PXN: variants seen among roughly 807,000 people sequenced by gnomAD.
The protein encoded by PXN is testicular tissue protein Li 134.
Under a neutral mutation model 103.6 loss-of-function variants are expected in PXN, and 61 were observed. That is an observed-to-expected ratio of 0.59 (90% CI 0.48 to 0.73). The LOEUF (loss-of-function observed/expected upper bound fraction) is 0.73, where lower values mean the gene tolerates loss of function less well. Ranked by LOEUF, PXN falls within the 30% of genes least tolerant of loss-of-function variation. PXN has a pLI of 0.00. For synonymous variants in PXN, 562 were observed against 607.8 expected (o/e 0.92, Z 1.11); for missense variants, 1,274 against 1,460.3 (o/e 0.87, Z 2.08).
chr12:120,212,137 AG>A lies in PXN; in HGVS notation c.*176del. 1 of 939,640 alleles carries A rather than the reference AG, an allele frequency of 1.1e-6. No individual in the cohort carries two copies. Among genetic ancestry groups the A allele is most frequent in the Non-Finnish European group, 1.7e-6 (1 of 598,858 alleles). The allele number at this position is 939,640 out of a possible 1,614,324, so 58.2% of individuals were successfully genotyped here. A position where few individuals can be genotyped will look rare whatever the true frequency, so the allele number is the denominator to read the frequency against. On this transcript the variant is annotated 3_prime_UTR_variant, in exon 15 of 15. Transcript: ENST00000637617. The surrounding 1 kb of genome is among the most constrained non-coding windows in gnomAD (Gnocchi z 7.2). Reference sequence around the variant, plus strand: ...GAGGAGGGGGCCCAGAGGCTCTGGCAGGGGTGAAGACAAGCAGGGGGACCCC... The same window carrying A: ...GAGGAGGGGGCCCAGAGGCTCTGGCAGGGTGAAGACAAGCAGGGGGACCCC...
intron 1 of PXN, among the ~76,000 whole-genome samples, chr12:120,241,398 A>G (rs930567926): frequency 2.4e-4 from 36 of 152,306 alleles, no homozygotes; most frequent in Non-Finnish European, 1.6e-4. Flanking sequence ...TCGCTTGGGT[A>G]TCCAAGGCAG....
At position 120,210,943 on chromosome 12, in the gene PXN, C is replaced by A. The variant is rs781602972; in HGVS notation, c.*1371G>T. On this transcript the variant is annotated 3_prime_UTR_variant, in exon 15 of 15. Coordinates refer to ENST00000637617, the MANE Select transcript of PXN (RefSeq NM_001385981.1). ...CCTTCTTTCCAGACCCCCTGAGTGC[C>A]GATCCCACCTGTGAAAGGGGAGGAG... 6.5e-6 allele frequency: 1 copy of A among 152,680 alleles called. No homozygotes were observed. The highest frequency in any genetic ancestry group is 1.5e-5 in the Non-Finnish European group (1 of 68,170). The allele number at this position is 152,680 out of a possible 1,614,324, so 9.5% of individuals were successfully genotyped here.
At chr12:120,233,000 T>G (rs1396013296) in intron 1 of PXN, among the ~76,000 whole-genome samples, 1 of 152,176 alleles carries the variant, frequency 6.6e-6, no homozygotes, top group Non-Finnish European at 1.5e-5. Context: ...CTAAGTCACA[T>G]CAATTCTTCC....
At chr12:120,223,520 C>T (rs2136316206) in intron 3 of PXN, among the ~76,000 whole-genome samples, 198 bp downstream of exon 3, 1 of 152,224 alleles carries the variant, frequency 6.6e-6, no homozygotes, top group Middle Eastern at 3.4e-3. Context: ...CTGTGATAGC[C>T]CAGAATGTCC....
intron 1 of PXN, among the ~76,000 whole-genome samples, chr12:120,237,687 A>C (rs930230704): frequency 1.3e-5 from 2 of 152,108 alleles, no homozygotes; most frequent in East Asian, 1.9e-4. Flanking sequence ...TTGCCTCCCT[A>C]GAAGTGTCTA....
In PXN at chr12:120,217,592, TG is replaced by T. The variant is rs144774631; in HGVS notation, c.1717-477del. 0.02 allele frequency among the ~76,000 whole-genome samples: 3,061 copies of T among 151,478 alleles called. 110 individuals carry two copies. Among genetic ancestry groups the T allele is most frequent in the African/African-American group, 0.07 (2,905 of 41,266 alleles). On this transcript the variant is annotated intron_variant, in intron 7 of 14. Transcript: ENST00000637617. This position sits in a 1 kb window ranked among gnomAD's most constrained non-coding sequence, Gnocchi z 4.1. The stretch of plus-strand genomic sequence containing the variant: ...GTGTTTCCTTCCAGGAACTTTTTTT[TG>T]GGGGGGGACAGAGTCTCGCTCTGTC...
rs749211221 is a variant in PXN at position 120,215,672 on chromosome 12, G to C, written c.2302-11C>G. Reference sequence around the variant, plus strand: ...CTCCAGGCCCTGGATCTTAGATAGGGGAAGAGATGAGGGTAAGAAATCTTT... The same window carrying C: ...CTCCAGGCCCTGGATCTTAGATAGGCGAAGAGATGAGGGTAAGAAATCTTT... On this transcript the variant is annotated splice_polypyrimidine_tract_variant and intron_variant, in intron 9 of 14. Transcript: ENST00000637617. This position sits in a 1 kb window ranked among gnomAD's most constrained non-coding sequence, Gnocchi z 4.9. 6.3e-7 allele frequency: 1 copy of C among 1,596,470 alleles called. No homozygotes were observed. Among genetic ancestry groups the C allele is most frequent in the South Asian group, 1.1e-5 (1 of 89,002 alleles).
rs1358596049 is a variant in PXN at position 120,221,083 on chromosome 12, C to G, written c.831+540G>C. Among the ~76,000 whole-genome samples, 1 of 152,140 alleles carries G rather than the reference C, an allele frequency of 6.6e-6. No individual in the cohort carries two copies. The highest frequency in any genetic ancestry group is 1.5e-5 in the Non-Finnish European group (1 of 68,028). ...TTTCCCACAGACACGCTCGTGGGAACTCAGAGGCCCTGGAGGGCGAGAGGG... is the reference window on the plus strand; with the variant it reads ...TTTCCCACAGACACGCTCGTGGGAAGTCAGAGGCCCTGGAGGGCGAGAGGG... On this transcript the variant is annotated intron_variant, in intron 6 of 14. Coordinates refer to ENST00000637617, the MANE Select transcript of PXN (RefSeq NM_001385981.1). The surrounding 1 kb of genome is among the most constrained non-coding windows in gnomAD (Gnocchi z 6.6).
In PXN at chr12:120,224,555, C is replaced by A; in HGVS notation, c.14-178G>T. On this transcript the variant is annotated intron_variant, in intron 1 of 14. Transcript: ENST00000637617. This position sits in a 1 kb window ranked among gnomAD's most constrained non-coding sequence, Gnocchi z 5.0. ...CAGCCCCGACCAGCCTAACCAAGAGCCGGCTCCCAAAGCTAACTTCTTCTG... is the reference window on the plus strand; with the variant it reads ...CAGCCCCGACCAGCCTAACCAAGAGACGGCTCCCAAAGCTAACTTCTTCTG... 1 of 713,210 alleles carries A rather than the reference C, an allele frequency of 1.4e-6. No homozygotes were observed. Among genetic ancestry groups the A allele is most frequent in the Non-Finnish European group, 2.6e-6 (1 of 391,600 alleles). The allele number at this position is 713,210 out of a possible 1,614,324, so 44.2% of individuals were successfully genotyped here.
At position 120,214,701 on chromosome 12, in the gene PXN, C is replaced by G. The variant is rs1456781965; in HGVS notation, c.2748+124G>C. The G allele has an allele frequency of 1.5e-6, 2 of 1,311,622 alleles. No homozygotes were observed. The highest frequency in any genetic ancestry group is 2.7e-5 in the South Asian group (2 of 73,886). The allele number at this position is 1,311,622 out of a possible 1,614,324, so 81.2% of individuals were successfully genotyped here. A position where few individuals can be genotyped will look rare whatever the true frequency, so the allele number is the denominator to read the frequency against. On this transcript the variant is annotated intron_variant, in intron 12 of 14. Coordinates refer to ENST00000637617, the MANE Select transcript of PXN (RefSeq NM_001385981.1). The surrounding 1 kb of genome is among the most constrained non-coding windows in gnomAD (Gnocchi z 5.0). ...GCTGTGAATCCGGCCCCACTGTTCC[C>G]TAGCCCTGTGAGCCTCGGGCATGTG... is the stretch of plus-strand genomic sequence containing the variant.
At position 120,216,888 on chromosome 12, in the gene PXN, T is replaced by G; in HGVS notation, c.1945A>C (p.Thr649Pro). 7 of 1,518,396 alleles carry G rather than the reference T, an allele frequency of 4.6e-6. No homozygotes were observed. Among genetic ancestry groups the G allele is most frequent in the Non-Finnish European group, 6.1e-6 (7 of 1,138,258 alleles). The allele number at this position is 1,518,396 out of a possible 1,614,324, so 94.1% of individuals were successfully genotyped here. A position where few individuals can be genotyped will look rare whatever the true frequency, so the allele number is the denominator to read the frequency against. ...QDWLTEGVII[T>P]VQPRGKRAGG... ...GCCCGCTTCCCACGTGGCTGCACAG[T>G]GATGATGACGCCCTCGGTCAGCCAG... The change falls in exon 8 of 15, where the codon ACT becomes CCT. Residue 649 changes from threonine to proline, a missense_variant. Thr to Pro is a conservative substitution (Grantham distance 38). Transcript: ENST00000637617. The surrounding 1 kb of genome is among the most constrained non-coding windows in gnomAD (Gnocchi z 5.1).
chr12:120,233,359 T>C (rs1037760571), intron 1 of PXN, among the ~76,000 whole-genome samples: 9 of 152,014 alleles, frequency 5.9e-5, no homozygotes, highest in Non-Finnish European at 1.3e-4. Context: ...CAGGCTGGAG[T>C]GCAGTGGCAT....
chr12:120,223,426 A>T (rs889675387), intron 3 of PXN, among the ~76,000 whole-genome samples: 8 of 151,918 alleles, frequency 5.3e-5, no homozygotes, highest in Non-Finnish European at 1.2e-4. Context: ...AGAGTGACAG[A>T]GCGAGACCCC....
intron 1 of PXN, among the ~76,000 whole-genome samples, chr12:120,245,356 G>A (rs1418104482): frequency 6.6e-6 from 1 of 151,920 alleles, no homozygotes; most frequent in Non-Finnish European, 1.5e-5. Context: ...TGAGGCTGAG[G>A]GAGTTCACAG....
intron 1 of PXN, among the ~76,000 whole-genome samples, chr12:120,243,133 C>A (rs1890446298): frequency 6.6e-6 from 1 of 152,208 alleles, no homozygotes; most frequent in African/African-American, 2.4e-5. Flanking sequence ...CTCCAGGCCT[C>A]TGCATGAGCT....
At chr12:120,234,731 C>T (rs1455587373) in intron 1 of PXN, among the ~76,000 whole-genome samples, 3 of 152,154 alleles carry the variant, frequency 2.0e-5, no homozygotes, top group Admixed American at 1.3e-4. Flanking sequence ...ACTCAGGCAC[C>T]TCATAGCGCA....
At position 120,219,099 on chromosome 12, in the gene PXN, C is replaced by A. The variant is rs1439913061; in HGVS notation, c.1716+108G>T. The A allele has an allele frequency of 2.4e-5, 30 of 1,226,910 alleles. No individual in the cohort carries two copies. The highest frequency in any genetic ancestry group is 2.7e-5 in the Non-Finnish European group (25 of 912,874). The allele number at this position is 1,226,910 out of a possible 1,614,324, so 76.0% of individuals were successfully genotyped here. A position where few individuals can be genotyped will look rare whatever the true frequency, so the allele number is the denominator to read the frequency against. ...GGCCACAGTGTCTCAGCATTTTCTG[C>A]CCAAGCAGACATGCGCAGAGTGGGA... On this transcript the variant is annotated intron_variant, in intron 7 of 14. Coordinates refer to ENST00000637617, the MANE Select transcript of PXN (RefSeq NM_001385981.1). This position sits in a 1 kb window ranked among gnomAD's most constrained non-coding sequence, Gnocchi z 6.5.
rs981579527 is a variant in PXN at position 120,228,742 on chromosome 12, T to C, written c.14-4365A>G. ...AACCCAAGGGTGACATGCAGGGCTC[T>C]GGAGAACCAGAGGGGTGCACGCCCT... On this transcript the variant is annotated intron_variant, in intron 1 of 14. Transcript: ENST00000637617. The surrounding 1 kb of genome is among the most constrained non-coding windows in gnomAD (Gnocchi z 4.7). Among the ~76,000 whole-genome samples the C allele has an allele frequency of 4.6e-5, 7 of 152,178 alleles. No homozygotes were observed. Among genetic ancestry groups the C allele is most frequent in the Admixed American group, 2.0e-4 (3 of 15,280 alleles).
intron 1 of PXN, chr12:120,226,378 G>A (rs969341789): frequency 3.1e-5 from 40 of 1,289,180 alleles, no homozygotes; most frequent in Middle Eastern, 2.1e-4. Flanking sequence ...TCCTCACAAC[G>A]CCACCAGCAC....
Sources: gnomAD v4.1 joint callset for allele counts (sites outside exome capture counted in the v4.1 genomes callset) on GRCh38, gnomAD v4.1.1 for gene constraint, Gnocchi (gnomAD v3.1) non-coding constraint, MANE v1.5 for transcripts, NCBI Gene and HGNC (gene_info 2026-07-23, HGNC 2026-07-21) for gene names.